Variants in ANO6 observed in about 807,000 individuals in gnomAD.
ANO6 encodes anoctamin 6, also known as anoctamin-6.
A neutral mutation model predicts 117.5 loss-of-function variants in ANO6; 106 were observed. That is an observed-to-expected ratio of 0.90 (90% CI 0.77 to 1.06). The LOEUF is 1.06. Among genes scored for constraint, ANO6 ranks in the 50% least tolerant of loss-of-function variants. The pLI is 0.00. For synonymous variants in ANO6, 367 were observed against 385.1 expected (o/e 0.95, Z 0.55); for missense variants, 955 against 1,121.1 (o/e 0.85, Z 2.12).
intron 1 of ANO6, among the ~76,000 whole-genome samples, chr12:45,218,390 C>CTTTTTTTTTTTTTTT (rs76855973): frequency 1.8e-5 from 2 of 110,134 alleles, no homozygotes; most frequent in Admixed American, 9.5e-5. Context: ...CTTTCTTTCT[C>CTTTTTTTTTTTTTTT]TTTTTTTTTT....
chr12:45,338,079 G>A (rs979060332), intron 3 of ANO6, among the ~76,000 whole-genome samples: 12 of 152,016 alleles, frequency 7.9e-5, no homozygotes, highest in Non-Finnish European at 1.6e-4. Context: ...TCAACCATAA[G>A]TTCTTGTTCA....
chr12:45,341,824 CTA>C (rs1428904849), intron 3 of ANO6, among the ~76,000 whole-genome samples: 1 of 152,068 alleles, frequency 6.6e-6, no homozygotes, highest in African/African-American at 2.4e-5. Flanking sequence ...AGATGAGCCT[CTA>C]AGCCCTGCAG....
chr12:45,420,753 G>A (rs1943337964), intron 17 of ANO6, among the ~76,000 whole-genome samples: 1 of 152,166 alleles, frequency 6.6e-6, no homozygotes. Flanking sequence ...GCTCACGCCT[G>A]TAATCCCAGC....
intron 6 of ANO6, 57 bp from the exon 7 acceptor site, chr12:45,350,602 G>A: frequency 5.2e-6 from 7 of 1,337,650 alleles, no homozygotes; most frequent in African/African-American, 4.3e-5. Context: ...CATTTAAGAA[G>A]CAGATTTGTG....
At chr12:45,401,102 G>T (rs1565752531) in intron 12 of ANO6, among the ~76,000 whole-genome samples, 1 of 152,236 alleles carries the variant, frequency 6.6e-6, no homozygotes. Context: ...ATGACTGCCA[G>T]TTTAAGGTCG....
intron 10 of ANO6, among the ~76,000 whole-genome samples, chr12:45,380,237 G>T (rs1244235154): frequency 6.6e-6 from 1 of 152,194 alleles, no homozygotes; most frequent in Admixed American, 6.5e-5. Flanking sequence ...ACCAACCCAT[G>T]GTTGAAGTAA....
At chr12:45,250,722 A>G (rs911491720) in intron 1 of ANO6, among the ~76,000 whole-genome samples, 1 of 150,848 alleles carries the variant, frequency 6.6e-6, no homozygotes, top group African/African-American at 2.4e-5. Context: ...AAAAATGGAG[A>G]AGATACAGTA....
chr12:45,285,422 T>C (rs1938875671), intron 1 of ANO6, among the ~76,000 whole-genome samples: 1 of 152,216 alleles, frequency 6.6e-6, no homozygotes, highest in Non-Finnish European at 1.5e-5. Flanking sequence ...AAAAGTTACA[T>C]ATTCAGAGTT....
At chr12:45,271,092 C>T (rs925553087) in intron 1 of ANO6, among the ~76,000 whole-genome samples, 3 of 152,108 alleles carry the variant, frequency 2.0e-5, no homozygotes, top group Non-Finnish European at 4.4e-5. Flanking sequence ...GAAGGACTTC[C>T]CACCCTGCCT....
intron 7 of ANO6, among the ~76,000 whole-genome samples, chr12:45,351,246 C>T (rs1441048981): frequency 6.6e-6 from 1 of 152,232 alleles, no homozygotes; most frequent in East Asian, 1.9e-4. Flanking sequence ...CCACCAAATT[C>T]CATATTGCAC....
At chr12:45,398,896 T>C (rs1362994801) in intron 12 of ANO6, among the ~76,000 whole-genome samples, 1 of 152,220 alleles carries the variant, frequency 6.6e-6, no homozygotes, top group East Asian at 1.9e-4. Flanking sequence ...CTTTGAGTTA[T>C]GCTTGGCAGA....
chr12:45,309,058 A>C (rs1939766958), intron 2 of ANO6, among the ~76,000 whole-genome samples: 1 of 152,132 alleles, frequency 6.6e-6, no homozygotes, highest in African/African-American at 2.4e-5. Flanking sequence ...AGGGATTCTT[A>C]AATAAGTTCT....
At chr12:45,372,756 C>T (rs1032740621) in intron 9 of ANO6, among the ~76,000 whole-genome samples, 3 of 152,184 alleles carry the variant, frequency 2.0e-5, no homozygotes, top group African/African-American at 7.2e-5. Flanking sequence ...GCTGCAAAAT[C>T]ATGCCAAAAT....
At chr12:45,403,354 GAACAA>G in intron 14 of ANO6, 80 bp from the exon 15 acceptor site, 2 of 1,531,484 alleles carry the variant, frequency 1.3e-6, no homozygotes, top group Admixed American at 1.7e-5. Context: ...AGCCTAAACA[GAACAA>G]ATGTCAGAAA....
downstream of ANO6, among the ~76,000 whole-genome samples, chr12:45,433,914 A>G (rs1391633374): frequency 1.3e-5 from 2 of 152,188 alleles, no homozygotes; most frequent in African/African-American, 4.8e-5. Context: ...TATGAAACAG[A>G]TTTTACAAAT....
intron 1 of ANO6, among the ~76,000 whole-genome samples, chr12:45,274,801 C>T (rs961600665): frequency 6.7e-6 from 1 of 148,640 alleles, no homozygotes; most frequent in South Asian, 2.2e-4. Context: ...CTATCCTCAT[C>T]ATCCTCTCCA....
At chr12:45,222,172 C>T (rs1023301297) in intron 1 of ANO6, among the ~76,000 whole-genome samples, 3 of 145,840 alleles carry the variant, frequency 2.1e-5, no homozygotes, top group Middle Eastern at 4.5e-3. Flanking sequence ...TGAGCCACCA[C>T]GCCCGGCCCC....
At chr12:45,305,187 G>A (rs993570001) in intron 2 of ANO6, among the ~76,000 whole-genome samples, 1 of 152,184 alleles carries the variant, frequency 6.6e-6, no homozygotes, top group Non-Finnish European at 1.5e-5. Context: ...ACTAGAAACT[G>A]TGACATAGAC....
chr12:45,413,835 G>A (rs79684580), intron 16 of ANO6, among the ~76,000 whole-genome samples: 2,426 of 152,298 alleles, frequency 0.016, 57 homozygotes, highest in East Asian at 0.097. Context: ...GGAAGTGGAA[G>A]CAGTGCTATA....
Sources: gnomAD v4.1 joint callset for allele counts (sites outside exome capture counted in the v4.1 genomes callset) on GRCh38, gnomAD v4.1.1 for gene constraint, MANE v1.5 for transcripts, NCBI Gene and HGNC (gene_info 2026-07-23, HGNC 2026-07-21) for gene names.